DCC: variants seen among roughly 807,000 people sequenced by gnomAD.
The protein encoded by DCC is DCC netrin 1 receptor.
In DCC, 58 loss-of-function variants were observed where a neutral mutation model predicts 172.5. That is an observed-to-expected ratio of 0.34 (90% CI 0.27 to 0.42). The LOEUF is 0.42. Among genes scored for constraint, DCC ranks in the 10% least tolerant of loss-of-function variants. The pLI is 1.00. For missense variants in DCC, 1,740 were observed against 1,791.0 expected (o/e 0.97, Z 0.51); for synonymous variants, 709 against 644.5 (o/e 1.10, Z -1.52).
At chr18:52,530,525 A>C (rs1010500665) in intron 1 of DCC, among the ~76,000 whole-genome samples, 1 of 152,198 alleles carries the variant, frequency 6.6e-6, no homozygotes, top group African/African-American at 2.4e-5. Flanking sequence ...AAAACAGAGA[A>C]TGCACATAAA....
chr18:52,929,433 GT>G (rs569950193), intron 5 of DCC, among the ~76,000 whole-genome samples: 336 of 152,196 alleles, frequency 2.2e-3, no homozygotes, highest in Middle Eastern at 0.01. Flanking sequence ...TTTTAGTTTG[GT>G]TAATAATTAG....
intron 1 of DCC, among the ~76,000 whole-genome samples, chr18:52,640,132 C>T (rs533226732): frequency 6.6e-6 from 1 of 152,220 alleles, no homozygotes; most frequent in African/African-American, 2.4e-5. Flanking sequence ...TCAATAGATG[C>T]AGAAAAAGCA....
chr18:52,969,324 T>C (rs993970460), intron 5 of DCC, among the ~76,000 whole-genome samples: 10 of 152,156 alleles, frequency 6.6e-5, no homozygotes, highest in African/African-American at 2.2e-4. Flanking sequence ...AATCTTTGTC[T>C]CCAAATTGCC....
intron 2 of DCC, among the ~76,000 whole-genome samples, chr18:52,763,461 T>C (rs149013991): frequency 6.6e-6 from 1 of 152,356 alleles, no homozygotes; most frequent in African/African-American, 2.4e-5. Context: ...GGGCACTCCA[T>C]GAGCCAACCT....
At chr18:53,262,924 T>C (rs2056622927) in intron 12 of DCC, among the ~76,000 whole-genome samples, 1 of 152,206 alleles carries the variant, frequency 6.6e-6, no homozygotes, top group African/African-American at 2.4e-5. Context: ...ATTAAAAATA[T>C]TAGTGATTTT....
rs773327607 is a variant in DCC, at chr18:52,897,841, A to G, written c.413-8203A>G. Among the ~76,000 whole-genome samples, 288 of 147,956 alleles carry G rather than the reference A, an allele frequency of 1.9e-3. 8 individuals are homozygous for G. Among genetic ancestry groups the G allele is most frequent in the Non-Finnish European group, 6.9e-4 (46 of 66,310 alleles). On this transcript the variant is annotated intron_variant, in intron 2 of 28. Transcript: ENST00000442544. ...GTAATTTTGCCAGTGGAAATGAAGC[A>G]AAAATAAAAAGGAGTGGGAGAATAA...
rs76657123 is a variant in DCC at position 52,476,387 on chromosome 18, G to A, written c.91+135509G>A. Among the ~76,000 whole-genome samples, 504 of 152,240 alleles carry A rather than the reference G, an allele frequency of 3.3e-3. 3 individuals are homozygous for A. Among genetic ancestry groups the A allele is most frequent in the Non-Finnish European group, 6.1e-3 (413 of 68,014 alleles). ...TGTTTGTGTGTGCATTCGTGTGAGC[G>A]TTTAATTAAACGGATGTGAAATGCT... is the stretch of plus-strand genomic sequence containing the variant. On this transcript the variant is annotated intron_variant, in intron 1 of 28. Coordinates refer to ENST00000442544, the MANE Select transcript of DCC (RefSeq NM_005215.4).
intron 1 of DCC, among the ~76,000 whole-genome samples, chr18:52,670,606 A>G (rs1002257980): frequency 6.6e-6 from 1 of 152,262 alleles, no homozygotes; most frequent in African/African-American, 2.4e-5. Flanking sequence ...TTGGGAGGCC[A>G]AGGCAGGTGG....
At chr18:52,820,455 T>C (rs1258304658) in intron 2 of DCC, among the ~76,000 whole-genome samples, 2 of 152,084 alleles carry the variant, frequency 1.3e-5, no homozygotes, top group Non-Finnish European at 2.9e-5. Flanking sequence ...AAATATAAAA[T>C]GTTTTTAATG....
intron 1 of DCC, among the ~76,000 whole-genome samples, chr18:52,361,720 C>T (rs1022631483): frequency 5.9e-5 from 9 of 152,172 alleles, no homozygotes; most frequent in African/African-American, 2.2e-4. Context: ...AACAAGATCC[C>T]CAGGTGATGG....
chr18:52,503,092 C>T (rs1308801537), intron 1 of DCC, among the ~76,000 whole-genome samples: 1 of 152,136 alleles, frequency 6.6e-6, no homozygotes, highest in Non-Finnish European at 1.5e-5. Flanking sequence ...TACTTTTATA[C>T]TCTTACTTAT....
intron 6 of DCC, 39 bp downstream of exon 6, chr18:53,063,498 C>A: frequency 2.8e-6 from 4 of 1,445,700 alleles, no homozygotes; most frequent in South Asian, 1.2e-5. Flanking sequence ...TAATCCCATT[C>A]ATTGTTTTCT....
intron 27 of DCC, among the ~76,000 whole-genome samples, chr18:53,524,965 T>C (rs2046438961): frequency 6.6e-6 from 1 of 152,050 alleles, no homozygotes; most frequent in East Asian, 1.9e-4. Context: ...ATATATAATA[T>C]TATAATAAGA....
intron 1 of DCC, among the ~76,000 whole-genome samples, chr18:52,742,560 A>G (rs760342214): frequency 5.9e-5 from 9 of 152,350 alleles, no homozygotes; most frequent in Non-Finnish European, 1.0e-4. Context: ...ATGTTTAAAT[A>G]TCTTTTACAC....
chr18:53,396,338 G>A (rs923679035), intron 17 of DCC, among the ~76,000 whole-genome samples: 3 of 152,040 alleles, frequency 2.0e-5, no homozygotes, highest in African/African-American at 7.2e-5. Flanking sequence ...ATACTTTAAT[G>A]GATTAAACCT....
At chr18:52,900,709 T>C (rs2039796946) in intron 2 of DCC, among the ~76,000 whole-genome samples, 1 of 152,226 alleles carries the variant, frequency 6.6e-6, no homozygotes, top group Admixed American at 6.5e-5. Flanking sequence ...TGCATGGAGA[T>C]ACAGATAATG....
At chr18:53,128,862 C>CATATATAT (rs1345790131) in intron 7 of DCC, among the ~76,000 whole-genome samples, 2 of 81,104 alleles carry the variant, frequency 2.5e-5, no homozygotes, top group African/African-American at 8.7e-5. Context: ...CACACACACA[C>CATATATAT]ACACACACAT....
intron 7 of DCC, among the ~76,000 whole-genome samples, chr18:53,084,030 G>T (rs757112712): frequency 3.9e-5 from 6 of 152,132 alleles, no homozygotes; most frequent in Non-Finnish European, 8.8e-5. Flanking sequence ...TCCACTTTCT[G>T]TTACTTGTAA....
chr18:52,886,256 C>A (rs2039567710), intron 2 of DCC, among the ~76,000 whole-genome samples: 1 of 152,092 alleles, frequency 6.6e-6, no homozygotes, highest in Non-Finnish European at 1.5e-5. Flanking sequence ...TTGTGTCCTA[C>A]AGTGCCTTTT....
Sources: allele counts gnomAD v4.1 joint callset (sites outside exome capture counted in the v4.1 genomes callset), GRCh38; gene constraint gnomAD v4.1.1; transcripts MANE v1.5; gene names NCBI Gene and HGNC (gene_info 2026-07-23, HGNC 2026-07-21).